The following ITGA9 variants were observed in gnomAD, a reference collection of about 807,000 sequenced individuals.
ITGA9 encodes integrin subunit alpha 9.
ITGA9 carries 56 observed loss-of-function variants against 127.8 expected under a neutral mutation model. The observed-to-expected ratio is 0.44, with a 90% confidence interval of 0.35 to 0.55. The LOEUF (loss-of-function observed/expected upper bound fraction) is 0.55. Among genes scored for constraint, ITGA9 ranks in the 20% least tolerant of loss-of-function variants. The pLI, the probability that ITGA9 is intolerant of heterozygous loss-of-function variation, is 0.00. For synonymous variants in ITGA9, 508 were observed against 514.5 expected, an observed-to-expected ratio of 0.99 and a Z score of 0.17; for missense variants, 1,196 against 1,347.1, an observed-to-expected ratio of 0.89 and a Z score of 1.76.
Position 37,683,985 on chromosome 3 carries a change from G to C in ITGA9, c.2037G>C (p.Arg679=). The C allele has an allele frequency of 6.2e-7, 1 of 1,613,822 alleles. No homozygotes were observed. The highest frequency in any genetic ancestry group is 8.5e-7 in the Non-Finnish European group (1 of 1,179,984). ...CCAACGTGTCCTTCAATGTTTCCCG[G>C]GAGCTCTTCTTCATCAACATGTGGC... ...YDANVSFNVS[R]ELFFINMWQK... is the part of the protein sequence containing the mutation. Residue 679 remains arginine, a synonymous_variant, in exon 18 of 28, where the codon CGG becomes CGC. Transcript: ENST00000264741.
At chr3:37,627,794 A>G (rs1034337450) in intron 15 of ITGA9, among the ~76,000 whole-genome samples, 3 of 152,174 alleles carry the variant, frequency 2.0e-5, no homozygotes, top group African/African-American at 7.2e-5. Context: ...TATGTCATCA[A>G]AAAGAAGGTG....
In ITGA9 at chr3:37,597,242, A is replaced by C. The variant is rs544598312; in HGVS notation, c.1690-31945A>C. 7.9e-5 allele frequency among the ~76,000 whole-genome samples: 12 copies of C among 152,230 alleles called. No homozygotes were observed. The highest frequency in any genetic ancestry group is 1.6e-4 in the Non-Finnish European group (11 of 68,040). ...ACTTTTCATGATCTAAGAGTGATCCAAGAGATAGTGGGACCTGCTCAAGGT... is the reference window on the plus strand; with the variant it reads ...ACTTTTCATGATCTAAGAGTGATCCCAGAGATAGTGGGACCTGCTCAAGGT... On this transcript the variant is annotated intron_variant, in intron 15 of 27. Transcript: ENST00000264741. The surrounding 1 kb of genome is among the most constrained non-coding windows in gnomAD (Gnocchi z 4.6).
At chr3:37,691,619 C>T (rs1700833017) in intron 18 of ITGA9, among the ~76,000 whole-genome samples, 1 of 152,194 alleles carries the variant, frequency 6.6e-6, no homozygotes, top group Non-Finnish European at 1.5e-5. Flanking sequence ...CCACCTCCAG[C>T]CTGCAGGCCA....
intron 15 of ITGA9, among the ~76,000 whole-genome samples, chr3:37,543,802 C>A (rs1409523921): frequency 6.6e-6 from 1 of 152,214 alleles, no homozygotes; most frequent in Non-Finnish European, 1.5e-5. Flanking sequence ...TGAGTCCATG[C>A]CCCTCAGATG....
At chr3:37,704,797 TG>T (rs1353382470) in intron 18 of ITGA9, among the ~76,000 whole-genome samples, 1 of 152,226 alleles carries the variant, frequency 6.6e-6, no homozygotes, top group Non-Finnish European at 1.5e-5. Context: ...GCTGGAATCC[TG>T]CGACATGTTC....
intron 1 of ITGA9, among the ~76,000 whole-genome samples, chr3:37,469,764 A>C (rs1698408609): frequency 6.6e-6 from 1 of 151,422 alleles, no homozygotes; most frequent in African/African-American, 2.4e-5. Flanking sequence ...AATGCTGTTC[A>C]TTTGTTTTCA....
chr3:37,692,408 A>AGTGTGT lies in ITGA9; in HGVS notation c.2067+8394_2067+8395insTGTGTG, dbSNP rs552452929. Among the ~76,000 whole-genome samples the AGTGTGT allele has an allele frequency of 2.6e-3, 365 of 137,770 alleles. 1 individual carries two copies. The highest frequency in any genetic ancestry group is 3.4e-3 in the Non-Finnish European group (228 of 67,096). The allele number at this position is 137,770 out of a possible 152,430, so 90.4% of individuals were successfully genotyped here. ...GTCTTAATGAAGGATTGAGAGAGAGAGAGAGTGTGTGTGTGTGTGTGTGTG... is the reference window on the plus strand; with the variant it reads ...GTCTTAATGAAGGATTGAGAGAGAGAGTGTGTGAGAGTGTGTGTGTGTGTGTGTGTG... On this transcript the variant is annotated intron_variant, in intron 18 of 27. Coordinates refer to ENST00000264741, the MANE Select transcript of ITGA9 (RefSeq NM_002207.3).
At chr3:37,687,124 C>A (rs189601206) in intron 18 of ITGA9, among the ~76,000 whole-genome samples, 61 of 150,672 alleles carry the variant, frequency 4.0e-4, no homozygotes, top group South Asian at 1.1e-3. Flanking sequence ...TGATGAAAGT[C>A]AAAAAAAATG....
intron 15 of ITGA9, among the ~76,000 whole-genome samples, chr3:37,611,593 A>T (rs567120733): frequency 6.6e-6 from 1 of 152,262 alleles, no homozygotes; most frequent in East Asian, 1.9e-4. Flanking sequence ...CTAAACTGCA[A>T]ATCATTCAGG....
intron 26 of ITGA9, among the ~76,000 whole-genome samples, chr3:37,800,664 C>T (rs1697226163): frequency 6.6e-6 from 1 of 152,220 alleles, no homozygotes; most frequent in South Asian, 2.1e-4. Context: ...TGTCCTACCA[C>T]CTCCTACCAG....
intron 17 of ITGA9, among the ~76,000 whole-genome samples, chr3:37,678,982 C>T (rs1034595348): frequency 1.3e-5 from 2 of 152,018 alleles, no homozygotes; most frequent in East Asian, 1.9e-4. Flanking sequence ...AACCCAATAA[C>T]GCAGTCAAAA....
At chr3:37,801,878 C>G (rs968166214) in intron 26 of ITGA9, among the ~76,000 whole-genome samples, 2 of 152,234 alleles carry the variant, frequency 1.3e-5, no homozygotes, top group Admixed American at 6.5e-5. Context: ...TTGCCTCATC[C>G]CCTGGCACAC....
At chr3:37,750,934 T>C (rs985018022) in intron 23 of ITGA9, among the ~76,000 whole-genome samples, 2 of 152,178 alleles carry the variant, frequency 1.3e-5, no homozygotes, top group Non-Finnish European at 2.9e-5. Context: ...GTTGAGAGGA[T>C]TGTGAAAGCA....
At chr3:37,539,257 CAG>C in intron 14 of ITGA9, among the ~76,000 whole-genome samples, 1 of 152,324 alleles carries the variant, frequency 6.6e-6, no homozygotes, top group South Asian at 2.1e-4. Context: ...CTCCCCAAAA[CAG>C]AGCCTGGGTC....
chr3:37,512,877 T>C (rs549616875), intron 8 of ITGA9, among the ~76,000 whole-genome samples: 194 of 152,328 alleles, frequency 1.3e-3, no homozygotes, highest in Non-Finnish European at 1.6e-3. Flanking sequence ...TTTTTTCTTA[T>C]GCCTGTTATA....
intron 22 of ITGA9, chr3:37,748,345 C>T: frequency 1.7e-6 from 1 of 599,690 alleles, no homozygotes; most frequent in Non-Finnish European, 3.2e-6. Flanking sequence ...TATAAACACA[C>T]AAGTTAAGGG....
intron 15 of ITGA9, among the ~76,000 whole-genome samples, chr3:37,588,828 G>A (rs951145025): frequency 6.6e-6 from 1 of 152,212 alleles, no homozygotes; most frequent in Non-Finnish European, 1.5e-5. Context: ...GATGGCTGGA[G>A]CCCTGGGGGT....
intron 14 of ITGA9, among the ~76,000 whole-genome samples, chr3:37,540,382 A>AT (rs1276010479): frequency 6.6e-6 from 1 of 152,222 alleles, no homozygotes; most frequent in African/African-American, 2.4e-5. Flanking sequence ...TTTAAATGTA[A>AT]TCTTTCTTAC....
chr3:37,556,071 C>T (rs1699428303), intron 15 of ITGA9, among the ~76,000 whole-genome samples: 1 of 152,212 alleles, frequency 6.6e-6, no homozygotes, highest in African/African-American at 2.4e-5. Context: ...GGAAAGATTC[C>T]CTTTCAACTC....
Sources: gnomAD v4.1 joint callset for allele counts (sites outside exome capture counted in the v4.1 genomes callset) on GRCh38, gnomAD v4.1.1 for gene constraint, Gnocchi (gnomAD v3.1) non-coding constraint, MANE v1.5 for transcripts, NCBI Gene and HGNC (gene_info 2026-07-23, HGNC 2026-07-21) for gene names.